PDLIM2: variants seen among roughly 807,000 people sequenced by gnomAD.
PDLIM2 encodes PDZ and LIM domain 2.
PDLIM2 carries 51 observed loss-of-function variants against 54.1 expected under a neutral mutation model. The observed-to-expected ratio is 0.94, with a 90% confidence interval of 0.75 to 1.19. PDLIM2 has a LOEUF of 1.19. PDLIM2 is among the 50% of genes most tolerant of loss of function. PDLIM2 has a pLI of 0.00. For synonymous variants in PDLIM2, 398 were observed against 385.6 expected (o/e 1.03, Z -0.38); for missense variants, 912 against 874.0 (o/e 1.04, Z -0.55).
intron 2 of PDLIM2, 185 bp downstream of exon 1, chr8:22,580,882 C>T: frequency 1.6e-5 from 12 of 751,854 alleles, no homozygotes; most frequent in South Asian, 1.3e-4. Flanking sequence ...ACTTCAGGAA[C>T]AGACCTTGGG....
chr8:22,590,525 CTGTCCT>C (rs1800513141), intron 8 of PDLIM2: 1 of 152,264 alleles, frequency 6.6e-6, no homozygotes, highest in Non-Finnish European at 1.5e-5. Flanking sequence ...CCCACAGCCC[CTGTCCT>C]TAAGGTGCTC....
chr8:22,589,985 A>C, intron 8 of PDLIM2: 1 of 539,400 alleles, frequency 1.9e-6, no homozygotes, highest in Non-Finnish European at 3.3e-6. Context: ...CTGGGATGGG[A>C]AAGTGTCATT....
At chr8:22,594,769 A>AT (rs1418103429), downstream of PDLIM2, 4 of 1,423,832 alleles carry the variant, frequency 2.8e-6, no homozygotes, top group African/African-American at 2.9e-5. Flanking sequence ...TTGGTGATTG[A>AT]TTTGGAGGGG....
chr8:22,583,723 C>T (rs994779721), intron 3 of PDLIM2, among the ~76,000 whole-genome samples: 14 of 151,838 alleles, frequency 9.2e-5, no homozygotes, highest in Non-Finnish European at 2.1e-4. Flanking sequence ...GCCGAGATTG[C>T]ACCACTGCGC....
downstream of PDLIM2, chr8:22,594,503 C>G: frequency 3.1e-6 from 5 of 1,613,706 alleles, no homozygotes; most frequent in Non-Finnish European, 4.2e-6. Flanking sequence ...ATTCCTTAAC[C>G]TTTTTGTAAA....
chr8:22,589,767 G>A (rs2117362372), intron 8 of PDLIM2, 26 bp downstream of exon 7: 1 of 1,555,404 alleles, frequency 6.4e-7, no homozygotes, highest in Non-Finnish European at 8.7e-7. Context: ...GCTGGGGAGG[G>A]GAAGGAGGTT....
intron 6 of PDLIM2, among the ~76,000 whole-genome samples, chr8:22,587,200 C>T (rs113690838): frequency 0.01 from 1,578 of 152,242 alleles, 26 homozygotes; most frequent in African/African-American, 0.036. Context: ...TGTGGTCCCA[C>T]GGGTGCACAA....
At position 22,581,537 on chromosome 8, in the gene PDLIM2, C is replaced by T. The variant is rs763632301; in HGVS notation, c.995+7C>T. The T allele has an allele frequency of 2.6e-6, 4 of 1,566,846 alleles. No individual in the cohort carries two copies. In the Admixed American group the frequency reaches 5.2e-5, roughly 21 times the overall value. On this transcript the variant is annotated splice_region_variant and intron_variant, in intron 3 of 9. Coordinates refer to ENST00000308354, the Ensembl canonical transcript of PDLIM2. Reference sequence around the variant, plus strand: ...TGCGGCTGCAGCTGGACCGGTAGGGCCTCCCGCTCTGCAGAGCCTGTGGCA... The same window carrying T: ...TGCGGCTGCAGCTGGACCGGTAGGGTCTCCCGCTCTGCAGAGCCTGTGGCA...
intron 3 of PDLIM2, 22 bp from the exon 3 acceptor site, chr8:22,584,799 C>T (rs908154977): frequency 4.3e-6 from 7 of 1,612,790 alleles, no homozygotes; most frequent in Non-Finnish European, 5.9e-6. Flanking sequence ...TGTGACATTC[C>T]CTCCCTCTGT....
At chr8:22,580,114 G>T in intron 1 of PDLIM2, 1 of 226,164 alleles carries the variant, frequency 4.4e-6, no homozygotes, top group Non-Finnish European at 9.0e-6. Flanking sequence ...TCCTTGACCC[G>T]TCACTCCTGC....
At chr8:22,582,739 G>T (rs1052431227) in intron 3 of PDLIM2, among the ~76,000 whole-genome samples, 1 of 151,704 alleles carries the variant, frequency 6.6e-6, no homozygotes, top group African/African-American at 2.4e-5. Context: ...GTGCCACCAC[G>T]CCCAGCTAAT....
At chr8:22,579,626 C>G (rs990672021) in intron 1 of PDLIM2, 1 of 1,299,236 alleles carries the variant, frequency 7.7e-7, no homozygotes, top group Non-Finnish European at 9.9e-7. Context: ...GGAAGGCAGC[C>G]GGGGATGGAG....
rs1800558458 is a variant in PDLIM2, at chr8:22,591,797, A to G, written c.1631+129A>G. 3 of 812,920 alleles carry G rather than the reference A, an allele frequency of 3.7e-6. No homozygotes were observed. The East Asian group carries it at 8.1e-5, about 22-fold the overall frequency. 50.4% of individuals were successfully genotyped at this position (812,920 alleles called of 1,614,324 possible). ...CACTGGGTACCCAGTCGGGGACTCT[A>G]GGGGAAGCAGTGTTGCACAGCTTTG... On this transcript the variant is annotated intron_variant, in intron 9 of 9. Transcript: ENST00000308354.
chr8:22,594,099 T>A, exon 10 of PDLIM2: 1 of 1,428,584 alleles, frequency 7.0e-7, no homozygotes. Flanking sequence ...ACCCTCACCT[T>A]GCCAGGCCTC....
intron 1 of PDLIM2, 86 bp from the exon 1 acceptor site, chr8:22,580,389 A>C: frequency 1.6e-6 from 2 of 1,236,266 alleles, no homozygotes; most frequent in Non-Finnish European, 2.2e-6. Context: ...GGAAGGGAGA[A>C]CCCAGAAGCA....
At chr8:22,591,475 C>G (rs1800544017) in intron 8 of PDLIM2, 76 bp from the exon 8 acceptor site, 2 of 1,349,014 alleles carry the variant, frequency 1.5e-6, no homozygotes, top group Middle Eastern at 1.8e-4. Context: ...TTTCCAAGAC[C>G]ACCTCCTCAG....
At chr8:22,589,904 AGGAGCTGACGGTCCG>A (rs1800494160) in intron 8 of PDLIM2, 163 bp downstream of exon 7, 7 of 1,013,362 alleles carry the variant, frequency 6.9e-6, no homozygotes, top group Non-Finnish European at 9.8e-6. Flanking sequence ...CCTGCCCATA[AGGAGCTGACGGTCCG>A]GGAGGGTCCG....
intron 3 of PDLIM2, among the ~76,000 whole-genome samples, chr8:22,582,319 G>A (rs962650966): frequency 9.9e-5 from 15 of 152,170 alleles, no homozygotes; most frequent in Admixed American, 4.6e-4. Context: ...GGCAGAAGCC[G>A]GCTCCCTTCA....
At position 22,585,482 on chromosome 8, in the gene PDLIM2, G is replaced by A. The variant is rs188673173; in HGVS notation, c.1290+83G>A. ...GGTTGCCAGTGCCCCGGGACTGCAG[G>A]CGGCCAGGCCCACCTGGGCAGCCAT... On this transcript the variant is annotated intron_variant, in intron 6 of 9. Transcript: ENST00000308354. 2,176 of 1,384,120 alleles carry A rather than the reference G, an allele frequency of 1.6e-3. 68 individuals are homozygous for A. The Admixed American group carries it at 0.04, about 25-fold the overall frequency. 85.7% of individuals were successfully genotyped at this position (1,384,120 alleles called of 1,614,324 possible).
Sources: allele counts gnomAD v4.1 joint callset (sites outside exome capture counted in the v4.1 genomes callset), GRCh38; gene constraint gnomAD v4.1.1; transcripts MANE v1.5; gene names NCBI Gene and HGNC (gene_info 2026-07-23, HGNC 2026-07-21).